E2F5: variants seen among roughly 807,000 people sequenced by gnomAD.
E2F5 encodes the protein E2F transcription factor 5.
E2F5 carries 23 observed loss-of-function variants against 39.1 expected under a neutral mutation model. The ratio of observed to expected loss-of-function variants is 0.59; its 90% CI spans 0.42 to 0.83. E2F5 has a LOEUF of 0.83. E2F5 is among the 40% of genes least tolerant of loss of function. The probability of loss-of-function intolerance (pLI) is 0.00; values close to 1 mark genes in which losing one functional copy is unlikely to be tolerated. For synonymous variants in E2F5, 145 were observed against 157.8 expected (o/e 0.92, Z 0.61); for missense variants, 365 against 406.7 (o/e 0.90, Z 0.88).
intron 3 of E2F5, among the ~76,000 whole-genome samples, chr8:85,205,177 G>A (rs545793202): frequency 2.0e-5 from 3 of 151,910 alleles, no homozygotes; most frequent in Admixed American, 6.5e-5. Flanking sequence ...AGCAAACTCC[G>A]TCTCAAAATA....
At position 85,177,367 on chromosome 8, in the gene E2F5, G is replaced by T; in HGVS notation, c.-54G>T. The T allele has an allele frequency of 1.0e-6, 1 of 985,596 alleles. No individual in the cohort carries two copies. Among genetic ancestry groups the T allele is most frequent in the Non-Finnish European group, 1.2e-6 (1 of 830,356 alleles). 61.1% of individuals were successfully genotyped at this position (985,596 alleles called of 1,614,324 possible). On this transcript the variant is annotated 5_prime_UTR_variant, in exon 1 of 8. Transcript: ENST00000416274. ...GCCGACCCGGCAGGTGGCCGCGGGC[G>T]GGGCCGGCGAGCGAAAGTGCGCGGG...
chr8:85,192,552 G>C (rs944079780), intron 1 of E2F5, among the ~76,000 whole-genome samples: 2 of 152,188 alleles, frequency 1.3e-5, no homozygotes, highest in African/African-American at 4.8e-5. Context: ...ACTAGAGAAC[G>C]ATGAGGGAGT....
intron 1 of E2F5, among the ~76,000 whole-genome samples, chr8:85,180,451 A>G (rs1263874446): frequency 6.8e-6 from 1 of 146,160 alleles, no homozygotes; most frequent in African/African-American, 2.5e-5. Context: ...ATTTCAGCAT[A>G]ATTTTTTTGA....
chr8:85,194,873 T>A (rs1812548613), intron 1 of E2F5, among the ~76,000 whole-genome samples: 1 of 151,636 alleles, frequency 6.6e-6, no homozygotes, highest in Non-Finnish European at 1.5e-5. Flanking sequence ...ATTTTTAAAA[T>A]TTTTGTAGAA....
chr8:85,177,903 C>G (rs1812121506), intron 1 of E2F5: 1 of 525,190 alleles, frequency 1.9e-6, no homozygotes, highest in Non-Finnish European at 2.6e-6. Flanking sequence ...GGGCTCTCGA[C>G]AAAGAGCCCA....
chr8:85,180,980 T>A (rs1302414494), intron 1 of E2F5, among the ~76,000 whole-genome samples: 1 of 151,126 alleles, frequency 6.6e-6, no homozygotes. Flanking sequence ...CGGGCTCAAG[T>A]GATTCTCCTG....
intron 1 of E2F5, chr8:85,200,156 A>C (rs921438481): frequency 5.2e-6 from 1 of 193,720 alleles, no homozygotes; most frequent in African/African-American, 2.4e-5. Flanking sequence ...CTGAGGCAGG[A>C]GAATCAGTTG....
At chr8:85,202,349 C>T in intron 2 of E2F5, 93 bp downstream of exon 2, 1 of 920,450 alleles carries the variant, frequency 1.1e-6, no homozygotes, top group South Asian at 1.8e-5. Flanking sequence ...CTCCCAAATC[C>T]TCTATTTCAG....
chr8:85,203,316 T>C, intron 3 of E2F5, 61 bp downstream of exon 3: 1 of 1,343,090 alleles, frequency 7.4e-7, no homozygotes, highest in Non-Finnish European at 9.7e-7. Context: ...GTATAAATCA[T>C]TTCAGTCTAA....
At chr8:85,181,480 G>A (rs1378575734) in intron 1 of E2F5, among the ~76,000 whole-genome samples, 2 of 148,472 alleles carry the variant, frequency 1.3e-5, no homozygotes, top group Admixed American at 6.7e-5. Flanking sequence ...ACAGGCGCCC[G>A]CCACCACGCC....
Position 85,206,221 on chromosome 8 carries a change from G to T in E2F5, c.550+1G>T, listed in dbSNP as rs1812800871. ...GAAGACATCTGTAATTGCTTTAATG[G>T]TAAGTACCATTAGACTTTTCCTTGC... On this transcript the variant is annotated splice_donor_variant, in intron 4 of 7. Coordinates refer to ENST00000416274, the MANE Select transcript of E2F5 (RefSeq NM_001951.4). LOFTEE classifies it high-confidence loss of function. 1 of 1,612,618 alleles carries T rather than the reference G, an allele frequency of 6.2e-7. No individual in the cohort carries two copies. Among genetic ancestry groups the T allele is most frequent in the Non-Finnish European group, 8.5e-7 (1 of 1,179,280 alleles).
chr8:85,182,504 G>C (rs932504907), intron 1 of E2F5, among the ~76,000 whole-genome samples: 2 of 152,170 alleles, frequency 1.3e-5, no homozygotes, highest in African/African-American at 4.8e-5. Context: ...GTTTCCATTT[G>C]CATAAGGGCA....
intron 1 of E2F5, among the ~76,000 whole-genome samples, chr8:85,186,676 AGGTATATATGGTATATATAT>A (rs1250530419): frequency 6.8e-5 from 10 of 147,138 alleles, no homozygotes; most frequent in Non-Finnish European, 1.5e-4. Flanking sequence ...TATATATGTA[AGGTATATATGGTATATATAT>A]GGTATATATG....
intron 3 of E2F5, among the ~76,000 whole-genome samples, chr8:85,205,824 G>C (rs775875927): frequency 6.6e-6 from 1 of 152,092 alleles, no homozygotes; most frequent in Non-Finnish European, 1.5e-5. Context: ...AAAAAACAAC[G>C]ATCACAGAAA....
chr8:85,192,041 C>A (rs1812478745), intron 1 of E2F5, among the ~76,000 whole-genome samples: 1 of 151,854 alleles, frequency 6.6e-6, no homozygotes. Flanking sequence ...GAGGCAGGGA[C>A]AATAAGAAAT....
At chr8:85,200,402 G>A (rs1170529297) in intron 1 of E2F5, 4 of 581,642 alleles carry the variant, frequency 6.9e-6, no homozygotes, top group Non-Finnish European at 8.7e-6. Flanking sequence ...GGGGTTAAAT[G>A]TTGTGATTGT....
At position 85,202,157 on chromosome 8, in the gene E2F5, CT is replaced by C; in HGVS notation, c.248del (p.Leu83TrpfsTer3). On this transcript the variant is annotated frameshift_variant, in exon 2 of 8. Coordinates refer to ENST00000416274, the MANE Select transcript of E2F5 (RefSeq NM_001951.4). LOFTEE classifies it high-confidence loss of function. ...GVLDLKAAAD[T>X]LAVRQKRRIY... ...GTCTTTCCTGAACAGGCTGCTGATACTTTGGCTGTGAGGCAAAAAAGGAGAA... is the reference window on the plus strand; with the variant it reads ...GTCTTTCCTGAACAGGCTGCTGATACTTGGCTGTGAGGCAAAAAAGGAGAA... 6.2e-7 allele frequency: 1 copy of C among 1,612,454 alleles called. No individual in the cohort carries two copies. The highest frequency in any genetic ancestry group is 8.5e-7 in the Non-Finnish European group (1 of 1,179,274).
intron 1 of E2F5, among the ~76,000 whole-genome samples, chr8:85,199,654 C>T (rs1812651620): frequency 6.6e-6 from 1 of 152,168 alleles, no homozygotes; most frequent in Non-Finnish European, 1.5e-5. Context: ...CTATATAAAA[C>T]AAGGTAAATC....
chr8:85,195,650 T>G (rs993161163), intron 1 of E2F5, among the ~76,000 whole-genome samples: 1 of 151,932 alleles, frequency 6.6e-6, no homozygotes. Flanking sequence ...CCAACTTGTC[T>G]GGCTAATTTT....
Sources: allele counts gnomAD v4.1 joint callset (sites outside exome capture counted in the v4.1 genomes callset), GRCh38; gene constraint gnomAD v4.1.1; transcripts MANE v1.5; gene names NCBI Gene and HGNC (gene_info 2026-07-23, HGNC 2026-07-21).